Variants in GPR161 observed in about 807,000 individuals in gnomAD.
GPR161 encodes G-protein coupled receptor RE2.
A neutral mutation model predicts 39.2 loss-of-function variants in GPR161; 25 were observed. The ratio of observed to expected loss-of-function variants is 0.64; its 90% CI spans 0.47 to 0.89. GPR161 has a LOEUF of 0.89. GPR161 is among the 40% of genes least tolerant of loss of function. The pLI is 0.00. For synonymous variants in GPR161, 286 were observed against 276.6 expected, an observed-to-expected ratio of 1.03 and a Z score of -0.34; for missense variants, 547 against 677.8, an observed-to-expected ratio of 0.81 and a Z score of 2.14.
intron 1 of GPR161, among the ~76,000 whole-genome samples, chr1:168,110,582 GAAAAGAAAAGA>G (rs1192259338): frequency 0.02 from 2,153 of 107,342 alleles, 180 homozygotes; most frequent in African/African-American, 0.087. Context: ...GAAAAGAAAA[GAAAAGAAAAGA>G]AAAGAGACAA....
chr1:168,133,748 A>G (rs1007284969), intron 1 of GPR161: 1 of 169,314 alleles, frequency 5.9e-6, no homozygotes, highest in African/African-American at 2.4e-5. Context: ...GGTGTGCGCC[A>G]CCATGCCCAG....
intron 1 of GPR161, among the ~76,000 whole-genome samples, chr1:168,121,525 T>C (rs901946660): frequency 5.9e-5 from 9 of 151,944 alleles, no homozygotes; most frequent in Non-Finnish European, 1.3e-4. Flanking sequence ...ACAGTGGAGG[T>C]CCACGTCAAC....
chr1:168,136,679 C>T (rs1053015653), intron 1 of GPR161, 60 bp downstream of exon 1: 15 of 1,142,894 alleles, frequency 1.3e-5, no homozygotes, highest in African/African-American at 1.1e-4. Flanking sequence ...TTTAGCCTGG[C>T]TCCATCCGGA....
chr1:168,123,569 CACACACACACTT>C (rs1412557003), intron 1 of GPR161, among the ~76,000 whole-genome samples: 1 of 151,088 alleles, frequency 6.6e-6, no homozygotes, highest in African/African-American at 2.4e-5. Context: ...CACACACACA[CACACACACACTT>C]GTTTGCATGG....
intron 1 of GPR161, among the ~76,000 whole-genome samples, chr1:168,110,123 G>C (rs984357993): frequency 5.3e-5 from 8 of 152,168 alleles, no homozygotes; most frequent in African/African-American, 1.9e-4. Context: ...CCTGATGAAA[G>C]TGAGCACATA....
At chr1:168,125,711 G>A (rs1006167105) in intron 1 of GPR161, among the ~76,000 whole-genome samples, 3 of 147,974 alleles carry the variant, frequency 2.0e-5, no homozygotes, top group African/African-American at 2.5e-5. Flanking sequence ...TCCACCTCCC[G>A]GGTTCAAATG....
At position 168,096,580 on chromosome 1, in the gene GPR161, G is replaced by C. The variant is rs776271486; in HGVS notation, c.1027C>G (p.Arg343Gly). 1 of 1,614,096 alleles carries C rather than the reference G, an allele frequency of 6.2e-7. No individual in the cohort carries two copies. Among genetic ancestry groups the C allele is most frequent in the South Asian group, 1.1e-5 (1 of 91,080 alleles). ...TGCACAAATGGTTCCCGATAATACC[G>C]GTCCCCAAAGCACATGCCCAGTAGT... ...KELLGMCFGD[R>G]YYREPFVQRQ... Residue 343 changes from arginine (R) to glycine (G), a missense_variant, in exon 3 of 6, where the codon CGG (arginine) becomes GGG (glycine). Coordinates refer to ENST00000682931, the MANE Select transcript of GPR161 (RefSeq NM_001375883.1).
At chr1:168,125,697 A>C (rs1171407826) in intron 1 of GPR161, among the ~76,000 whole-genome samples, 2 of 149,266 alleles carry the variant, frequency 1.3e-5, no homozygotes, top group Non-Finnish European at 3.0e-5. Context: ...AGCTCACTGC[A>C]ATCTCCACCT....
In GPR161 at chr1:168,084,771, T is replaced by C; in HGVS notation, c.*760A>G. ...ACAGTGGTACGTCTTAAATGGATTT[T>C]TTTTTTAATTCTGGAAATGAAACAC... On this transcript the variant is annotated 3_prime_UTR_variant, in exon 6 of 6. Coordinates refer to ENST00000682931, the MANE Select transcript of GPR161 (RefSeq NM_001375883.1). 2.2e-6 allele frequency: 1 copy of C among 453,452 alleles called. No individual in the cohort carries two copies. Among genetic ancestry groups the C allele is most frequent in the Non-Finnish European group, 4.4e-6 (1 of 226,324 alleles). The allele number at this position is 453,452 out of a possible 1,614,324, so 28.1% of individuals were successfully genotyped here. A position where few individuals can be genotyped will look rare whatever the true frequency, so the allele number is the denominator to read the frequency against.
chr1:168,123,761 T>C (rs530724932), intron 1 of GPR161, among the ~76,000 whole-genome samples: 12 of 152,234 alleles, frequency 7.9e-5, no homozygotes, highest in African/African-American at 2.4e-4. Context: ...TTTTTGACCA[T>C]GTAGTTGGAA....
chr1:168,100,388 G>A (rs3767478), intron 2 of GPR161, among the ~76,000 whole-genome samples: 51,639 of 151,836 alleles, frequency 0.34, 9,076 homozygotes, highest in Admixed American at 0.46. Flanking sequence ...CTCCTATGTG[G>A]GCTAATAATA....
At chr1:168,126,102 C>T (rs1698568087) in intron 1 of GPR161, among the ~76,000 whole-genome samples, 1 of 152,170 alleles carries the variant, frequency 6.6e-6, no homozygotes, top group Non-Finnish European at 1.5e-5. Flanking sequence ...GATGCTATTG[C>T]GGTCAATAGA....
intron 1 of GPR161, among the ~76,000 whole-genome samples, chr1:168,109,369 A>G (rs1696918373): frequency 6.6e-6 from 1 of 152,230 alleles, no homozygotes. Flanking sequence ...AAGGCAGAAT[A>G]TTAACCTCAC....
At chr1:168,108,531 G>C (rs1330128510) in intron 1 of GPR161, among the ~76,000 whole-genome samples, 6 of 50,334 alleles carry the variant, frequency 1.2e-4, no homozygotes, top group Non-Finnish European at 2.4e-4. Flanking sequence ...AAGTGAGAAA[G>C]AAGTTGAAAT....
chr1:168,107,328 T>C (rs145455855), intron 1 of GPR161, among the ~76,000 whole-genome samples: 5 of 152,308 alleles, frequency 3.3e-5, no homozygotes, highest in South Asian at 4.1e-4. Flanking sequence ...TAACCTCCAA[T>C]AGGCAACATG....
chr1:168,118,950 G>A (rs896580113), intron 1 of GPR161, among the ~76,000 whole-genome samples: 3 of 151,946 alleles, frequency 2.0e-5, no homozygotes, highest in Admixed American at 1.3e-4. Context: ...CAAATGGTGA[G>A]GATGCAAAGA....
At chr1:168,112,447 T>C (rs1322976522) in intron 1 of GPR161, among the ~76,000 whole-genome samples, 1 of 110,676 alleles carries the variant, frequency 9.0e-6, no homozygotes, top group Admixed American at 1.4e-4. Flanking sequence ...GCCACTACAC[T>C]CCAGCCTGGG....
chr1:168,104,510 C>G lies in GPR161; in HGVS notation c.341G>C (p.Ser114Thr). The G allele has an allele frequency of 6.2e-7, 1 of 1,614,042 alleles. No homozygotes were observed. The highest frequency in any genetic ancestry group is 2.2e-5 in the East Asian group (1 of 44,882). The change falls in exon 2 of 6, where the codon AGC becomes ACC. Residue 114 changes from serine (S) to threonine (T), a missense_variant. By Grantham distance (58) the Ser-to-Thr change is moderately conservative (BLOSUM62 1). Transcript: ENST00000682931. The part of the protein sequence containing the change: ...ALLYLLISSA[S>T]MLTLGVIAID... ...GGCAATGACCCCGAGGGTTAGCATG[C>G]TGGCAGAGCTGATCAGCAGGTAGAG... is the stretch of plus-strand genomic sequence containing the variant.
Position 168,097,181 on chromosome 1 carries a change from G to A in GPR161, c.426C>T (p.Asn142=). The A allele has an allele frequency of 6.2e-7, 1 of 1,613,868 alleles. No homozygotes were observed. Among genetic ancestry groups the A allele is most frequent in the Non-Finnish European group, 8.5e-7 (1 of 1,179,900 alleles). ...TGTAGACAAGTGCCATCACAGCCCG[G>A]TTCCCTGTGATCTTCATGGGGTACA... is the stretch of plus-strand genomic sequence containing the variant. ...PMVYPMKITG[N]RAVMALVYIW... The change falls in exon 3 of 6, where the codon AAC becomes AAT. Residue 142 remains asparagine (N), a synonymous_variant. Coordinates refer to ENST00000682931, the MANE Select transcript of GPR161 (RefSeq NM_001375883.1).
Sources: allele counts gnomAD v4.1 joint callset (sites outside exome capture counted in the v4.1 genomes callset), GRCh38; gene constraint gnomAD v4.1.1; transcripts MANE v1.5; gene names NCBI Gene and HGNC (gene_info 2026-07-23, HGNC 2026-07-21).